The following GTPBP10 variants were observed in gnomAD, a reference collection of about 807,000 sequenced individuals.
The protein encoded by GTPBP10 is GTP binding protein 10.
Under a neutral mutation model 44.8 loss-of-function variants are expected in GTPBP10, and 38 were observed. That is an observed-to-expected ratio of 0.85 (90% confidence interval 0.65 to 1.11). The LOEUF (loss-of-function observed/expected upper bound fraction) is 1.11, where lower values mean the gene tolerates loss of function less well. Ranked by LOEUF, GTPBP10 falls within the 50% of genes most tolerant of loss-of-function variation. The probability of loss-of-function intolerance (pLI) is 0.00; values close to 1 mark genes in which losing one functional copy is unlikely to be tolerated. For synonymous variants in GTPBP10, 152 were observed against 150.6 expected, an observed-to-expected ratio of 1.01 and a Z score of -0.07; for missense variants, 462 against 453.7, an observed-to-expected ratio of 1.02 and a Z score of -0.17.
chr7:90,347,525 T>G lies in GTPBP10; in HGVS notation c.33+751T>G, dbSNP rs538197588. On this transcript the variant is annotated intron_variant, in intron 1 of 9. Coordinates refer to ENST00000222511, the MANE Select transcript of GTPBP10 (RefSeq NM_033107.4). ...TGAAAAAAAAATCCCATTTGTTTTT[T>G]ATAATAGCTATCCTAAATGACTAGA... is the stretch of plus-strand genomic sequence containing the variant. 2.2e-5 allele frequency: 12 copies of G among 555,300 alleles called. No individual in the cohort carries two copies. In the South Asian group the frequency reaches 8.8e-4, roughly 41 times the overall value. The allele number at this position is 555,300 out of a possible 1,614,324, so 34.4% of individuals were successfully genotyped here. A position where few individuals can be genotyped will look rare whatever the true frequency, so the allele number is the denominator to read the frequency against.
intron 4 of GTPBP10, among the ~76,000 whole-genome samples, chr7:90,358,969 A>G (rs930562208): frequency 1.3e-5 from 2 of 152,168 alleles, no homozygotes; most frequent in African/African-American, 4.8e-5. Context: ...ATGCATACAA[A>G]TGGCCAATAC....
chr7:90,354,273 T>C lies in GTPBP10; in HGVS notation c.228-185T>C, dbSNP rs553602625. On this transcript the variant is annotated intron_variant, in intron 2 of 9. Coordinates refer to ENST00000222511, the MANE Select transcript of GTPBP10 (RefSeq NM_033107.4). Reference sequence around the variant, plus strand: ...ATGCCATTTTAGTGGGATATAATAGTCTAAAATGCAAAGAAATAATTAGGG... The same window carrying C: ...ATGCCATTTTAGTGGGATATAATAGCCTAAAATGCAAAGAAATAATTAGGG... Among the ~76,000 whole-genome samples, 14 of 152,310 alleles carry C rather than the reference T, an allele frequency of 9.2e-5. No individual in the cohort carries two copies. In the South Asian group the frequency reaches 2.7e-3, roughly 29 times the overall value.
At chr7:90,359,715 A>G (rs376751303) in intron 4 of GTPBP10, among the ~76,000 whole-genome samples, 1 of 152,212 alleles carries the variant, frequency 6.6e-6, no homozygotes, top group East Asian at 1.9e-4. Flanking sequence ...AGGAATCGCC[A>G]CGCTGTCTTC....
At position 90,389,079 on chromosome 7, in the gene GTPBP10, G is replaced by A. The variant is rs1796572964; in HGVS notation, c.*3925G>A. On this transcript the variant is annotated 3_prime_UTR_variant, in exon 10 of 10. Transcript: ENST00000222511. ...AACATTTTGTTTTAAAGACCAAATA[G>A]TGAATTGAATTTAATGCATATCTTT... 6.6e-6 allele frequency: 1 copy of A among 152,184 alleles called. No homozygotes were observed. The highest frequency in any genetic ancestry group is 1.5e-5 in the Non-Finnish European group (1 of 68,042). The allele number at this position is 152,184 out of a possible 1,614,324, so 9.4% of individuals were successfully genotyped here. A position where few individuals can be genotyped will look rare whatever the true frequency, so the allele number is the denominator to read the frequency against.
Position 90,346,910 on chromosome 7 carries a change from C to G in GTPBP10, c.33+136C>G, listed in dbSNP as rs1795687318. On this transcript the variant is annotated intron_variant, in intron 1 of 9. Coordinates refer to ENST00000222511, the MANE Select transcript of GTPBP10 (RefSeq NM_033107.4). Reference sequence around the variant, plus strand: ...TTTCCCATAGACTTCTCCGCCCCTCCTGTAGTGGCGCTTTGTCAGTAAGCG... The same window carrying G: ...TTTCCCATAGACTTCTCCGCCCCTCGTGTAGTGGCGCTTTGTCAGTAAGCG... 3 of 924,668 alleles carry G rather than the reference C, an allele frequency of 3.2e-6. No individual in the cohort carries two copies. In the South Asian group the frequency reaches 4.3e-5, roughly 13 times the overall value. The allele number at this position is 924,668 out of a possible 1,614,324, so 57.3% of individuals were successfully genotyped here. A position where few individuals can be genotyped will look rare whatever the true frequency, so the allele number is the denominator to read the frequency against.
chr7:90,351,671 T>C (rs1199526879), intron 1 of GTPBP10, among the ~76,000 whole-genome samples: 2 of 152,174 alleles, frequency 1.3e-5, no homozygotes, highest in African/African-American at 4.8e-5. Context: ...TCAACTGTAG[T>C]ACTAAGAATT....
intron 8 of GTPBP10, among the ~76,000 whole-genome samples, chr7:90,380,536 A>C (rs1312526338): frequency 6.6e-6 from 1 of 152,228 alleles, no homozygotes; most frequent in Non-Finnish European, 1.5e-5. Flanking sequence ...TGTAATTGAC[A>C]TAAAAATTGT....
chr7:90,366,228 T>TTTGTTG (rs547372347), intron 4 of GTPBP10, among the ~76,000 whole-genome samples: 2,326 of 151,980 alleles, frequency 0.015, 56 homozygotes, highest in African/African-American at 0.051. Flanking sequence ...GAATTCTCTT[T>TTTGTTG]TTGTTGTTGT....
chr7:90,365,536 C>T (rs867606467), intron 4 of GTPBP10, among the ~76,000 whole-genome samples: 15 of 151,144 alleles, frequency 9.9e-5, no homozygotes, highest in Admixed American at 3.3e-4. Flanking sequence ...CCACTACGCC[C>T]GGCTAATTTT....
At chr7:90,363,806 C>G (rs1021943268) in intron 4 of GTPBP10, among the ~76,000 whole-genome samples, 1 of 152,108 alleles carries the variant, frequency 6.6e-6, no homozygotes, top group Non-Finnish European at 1.5e-5. Context: ...TCACATAGTC[C>G]CATATTTCTT....
rs1287453433 is a variant in GTPBP10, at chr7:90,386,234, T to G, written c.*1080T>G. ...AATGAGCAATTCAGTTTTGTTTGTT[T>G]TTGAGCCTGTCTTGTACCTGGTTGC... On this transcript the variant is annotated 3_prime_UTR_variant, in exon 10 of 10. Coordinates refer to ENST00000222511, the MANE Select transcript of GTPBP10 (RefSeq NM_033107.4). The G allele has an allele frequency of 6.6e-6, 1 of 152,208 alleles. No homozygotes were observed. Among genetic ancestry groups the G allele is most frequent in the East Asian group, 1.9e-4 (1 of 5,204 alleles). 9.4% of individuals were successfully genotyped at this position (152,208 alleles called of 1,614,324 possible).
intron 1 of GTPBP10, among the ~76,000 whole-genome samples, chr7:90,350,990 TGA>T (rs1795779653): frequency 6.6e-6 from 1 of 152,118 alleles, no homozygotes; most frequent in African/African-American, 2.4e-5. Flanking sequence ...AAGAGAACTG[TGA>T]GAGATTACTT....
chr7:90,381,852 T>G (rs146940908), intron 8 of GTPBP10, among the ~76,000 whole-genome samples: 2 of 152,298 alleles, frequency 1.3e-5, no homozygotes, highest in East Asian at 3.9e-4. Flanking sequence ...CTGAGAAAAC[T>G]GAATATCCAC....
intron 4 of GTPBP10, among the ~76,000 whole-genome samples, chr7:90,360,046 A>G (rs1216151347): frequency 1.3e-5 from 2 of 152,132 alleles, no homozygotes; most frequent in African/African-American, 2.4e-5. Context: ...TTAGCCCTTT[A>G]TCAGATGAGT....
At position 90,352,819 on chromosome 7, in the gene GTPBP10, G is replaced by A. The variant is rs765330696; in HGVS notation, c.37G>A (p.Gly13Arg). ...TTCTTTCTCTTTTTTTTTTAAGTAT[G>A]GAAATTTCATCGATAAGCTAAGACT... The part of the protein sequence containing the change: ...HCSCVLFRKY[G>R]NFIDKLRLFT... The change falls in exon 2 of 10, where the codon GGA becomes AGA. Residue 13 changes from glycine (G) to arginine (R), a missense_variant. Physicochemically the swap from Gly to Arg is moderately radical, Grantham distance 125. Coordinates refer to ENST00000222511, the MANE Select transcript of GTPBP10 (RefSeq NM_033107.4). 15 of 1,583,146 alleles carry A rather than the reference G, an allele frequency of 9.5e-6. No individual in the cohort carries two copies. In the Admixed American group the frequency reaches 1.3e-4, roughly 14 times the overall value.
chr7:90,363,941 T>C (rs1562956641), intron 4 of GTPBP10, among the ~76,000 whole-genome samples: 1 of 152,248 alleles, frequency 6.6e-6, no homozygotes, highest in Non-Finnish European at 1.5e-5. Flanking sequence ...TACTGAAGCT[T>C]GTGCATTCGT....
At chr7:90,370,512 A>C (rs1228307840) in intron 4 of GTPBP10, among the ~76,000 whole-genome samples, 1 of 152,140 alleles carries the variant, frequency 6.6e-6, no homozygotes, top group African/African-American at 2.4e-5. Context: ...AGAGGCATGC[A>C]GAGTGGTATA....
chr7:90,346,968 G>A (rs544958113), intron 1 of GTPBP10, among the ~76,000 whole-genome samples, 194 bp downstream of exon 1: 38 of 152,186 alleles, frequency 2.5e-4, no homozygotes, highest in Non-Finnish European at 4.6e-4. Context: ...GCGTGGTTTG[G>A]ACGGTTGTTT....
At chr7:90,372,496 T>G (rs1015419840) in intron 5 of GTPBP10, among the ~76,000 whole-genome samples, 5 of 150,344 alleles carry the variant, frequency 3.3e-5, no homozygotes, top group Non-Finnish European at 5.9e-5. Flanking sequence ...TTTTTTTTTT[T>G]TGTGGGGACA....
Sources: allele counts gnomAD v4.1 joint callset (sites outside exome capture counted in the v4.1 genomes callset), GRCh38; gene constraint gnomAD v4.1.1; transcripts MANE v1.5; gene names NCBI Gene and HGNC (gene_info 2026-07-23, HGNC 2026-07-21).